The following ST18 variants were observed in gnomAD, a reference collection of about 807,000 sequenced individuals.
ST18 encodes suppression of tumorigenicity 18 protein.
Under a neutral mutation model 110.0 loss-of-function variants are expected in ST18, and 50 were observed. The ratio of observed to expected loss-of-function variants is 0.45; its 90% confidence interval spans 0.36 to 0.58. The LOEUF is 0.58. Among genes scored for constraint, ST18 ranks in the 20% least tolerant of loss-of-function variants. ST18 has a pLI of 0.00. For synonymous variants in ST18, 461 were observed against 452.4 expected (o/e 1.02, Z -0.24); for missense variants, 1,306 against 1,280.1 (o/e 1.02, Z -0.31).
At chr8:52,121,819 G>GA (rs1160247740) in intron 23 of ST18, among the ~76,000 whole-genome samples, 2 of 152,030 alleles carry the variant, frequency 1.3e-5, no homozygotes. Flanking sequence ...GATTATCAAG[G>GA]AAACCGTATA....
intron 8 of ST18, among the ~76,000 whole-genome samples, chr8:52,191,813 A>C (rs984565971): frequency 3.3e-5 from 5 of 152,202 alleles, no homozygotes; most frequent in Non-Finnish European, 7.3e-5. Context: ...CCATGGGCAA[A>C]GCGAAGAGCT....
intron 2 of ST18, among the ~76,000 whole-genome samples, chr8:52,338,412 C>T (rs12543709): frequency 0.032 from 4,863 of 152,164 alleles, 145 homozygotes; most frequent in African/African-American, 0.072. Flanking sequence ...AAATTAAAAT[C>T]TATAATTTTG....
chr8:52,401,593 T>G (rs1291849496), intron 2 of ST18, among the ~76,000 whole-genome samples: 1 of 152,020 alleles, frequency 6.6e-6, no homozygotes, highest in African/African-American at 2.4e-5. Context: ...AGTCTGCTGT[T>G]GAAGCTGTCA....
At chr8:52,223,175 T>C (rs1270866504) in intron 3 of ST18, among the ~76,000 whole-genome samples, 2 of 152,242 alleles carry the variant, frequency 1.3e-5, no homozygotes, top group Non-Finnish European at 2.9e-5. Context: ...GGATGAGTAC[T>C]GCGCCTGAGA....
chr8:52,172,012 G>C lies in ST18; in HGVS notation c.849C>G (p.Ser283Arg). ...CTTCCGTCATTACTGCCAGGCTCTC[G>C]CTATCTTCCTCCTCAACGTCAGGGA... ...PSFPDVEEED[S>R]ESLAVMTEEG... is the part of the protein sequence containing the mutation. The change falls in exon 10 of 26, where the codon AGC becomes AGG. Residue 283 changes from serine (S) to arginine (R), a missense_variant. Transcript: ENST00000689386. The C allele has an allele frequency of 1.2e-6, 2 of 1,614,150 alleles. No individual in the cohort carries two copies. Among genetic ancestry groups the C allele is most frequent in the Non-Finnish European group, 1.7e-6 (2 of 1,180,030 alleles).
intron 2 of ST18, among the ~76,000 whole-genome samples, chr8:52,366,241 AC>A: frequency 6.6e-6 from 1 of 152,138 alleles, no homozygotes; most frequent in East Asian, 1.9e-4. Flanking sequence ...ACCTCTGCTT[AC>A]CTACCTCTGA....
At chr8:52,138,063 G>A (rs2053204527) in intron 17 of ST18, among the ~76,000 whole-genome samples, 1 of 140,234 alleles carries the variant, frequency 7.1e-6, no homozygotes, top group South Asian at 2.2e-4. Flanking sequence ...TTGCACCATT[G>A]CACTGGGCAA....
intron 16 of ST18, among the ~76,000 whole-genome samples, chr8:52,146,484 T>G (rs2057318304): frequency 6.6e-6 from 1 of 152,144 alleles, no homozygotes; most frequent in Admixed American, 6.5e-5. Flanking sequence ...CTTTTTTTTC[T>G]TTGTTGTAGG....
At chr8:52,388,722 C>G (rs1053026682) in intron 2 of ST18, among the ~76,000 whole-genome samples, 2 of 147,850 alleles carry the variant, frequency 1.4e-5, no homozygotes, top group African/African-American at 5.0e-5. Context: ...GAGGGCCTTT[C>G]TCAAAAGGTG....
chr8:52,377,040 A>G (rs1832672703), intron 2 of ST18, among the ~76,000 whole-genome samples: 1 of 152,228 alleles, frequency 6.6e-6, no homozygotes, highest in Non-Finnish European at 1.5e-5. Flanking sequence ...CATGTACTTA[A>G]GAAGGATGCC....
At chr8:52,115,013 A>T (rs1430970773) in intron 25 of ST18, among the ~76,000 whole-genome samples, 1 of 152,198 alleles carries the variant, frequency 6.6e-6, no homozygotes, top group Non-Finnish European at 1.5e-5. Context: ...TAACATTGCA[A>T]TGATTTTTAA....
chr8:52,390,169 T>C (rs1405564814), intron 2 of ST18, among the ~76,000 whole-genome samples: 1 of 152,174 alleles, frequency 6.6e-6, no homozygotes, highest in Non-Finnish European at 1.5e-5. Context: ...AGCAGATTGT[T>C]TGAACTCTGA....
At chr8:52,261,073 G>T (rs2094679042) in intron 2 of ST18, among the ~76,000 whole-genome samples, 1 of 152,222 alleles carries the variant, frequency 6.6e-6, no homozygotes. Context: ...CCAACACTCT[G>T]AATGTCCTGG....
chr8:52,215,129 C>A (rs2083655163), intron 6 of ST18, among the ~76,000 whole-genome samples: 2 of 152,178 alleles, frequency 1.3e-5, no homozygotes, highest in East Asian at 1.9e-4. Context: ...TGGCTCCCAT[C>A]CTTAAATCCT....
intron 2 of ST18, among the ~76,000 whole-genome samples, chr8:52,333,971 C>G (rs1234336012): frequency 6.6e-6 from 1 of 152,182 alleles, no homozygotes; most frequent in Non-Finnish European, 1.5e-5. Context: ...TCAGCCCTAT[C>G]CCAGGAGAGA....
chr8:52,314,577 T>C (rs1361010619), intron 2 of ST18, among the ~76,000 whole-genome samples: 1 of 152,212 alleles, frequency 6.6e-6, no homozygotes, highest in East Asian at 1.9e-4. Flanking sequence ...GTGTAAATCA[T>C]GACTTATAGC....
chr8:52,312,655 T>A (rs550796624), intron 2 of ST18, among the ~76,000 whole-genome samples: 4 of 152,182 alleles, frequency 2.6e-5, no homozygotes, highest in Admixed American at 2.6e-4. Flanking sequence ...TTCTTCTCTA[T>A]CCCAATCAGA....
At chr8:52,197,479 T>C (rs1178761921) in intron 8 of ST18, among the ~76,000 whole-genome samples, 1 of 152,188 alleles carries the variant, frequency 6.6e-6, no homozygotes, top group Non-Finnish European at 1.5e-5. Context: ...TCTGGGTCAG[T>C]CACCCCCAGA....
intron 2 of ST18, among the ~76,000 whole-genome samples, chr8:52,258,275 T>G (rs1248749844): frequency 6.6e-6 from 1 of 152,186 alleles, no homozygotes; most frequent in Non-Finnish European, 1.5e-5. Flanking sequence ...AGTGAATTTC[T>G]ATATAAAACT....
Sources: allele counts gnomAD v4.1 joint callset (sites outside exome capture counted in the v4.1 genomes callset), GRCh38; gene constraint gnomAD v4.1.1; transcripts MANE v1.5; gene names NCBI Gene and HGNC (gene_info 2026-07-23, HGNC 2026-07-21).